The following PLD5 variants were observed in gnomAD, a reference collection of about 807,000 sequenced individuals.
The protein encoded by PLD5 is inactive phospholipase D5.
Under a neutral mutation model 61.1 loss-of-function variants are expected in PLD5, and 36 were observed. The observed-to-expected ratio is 0.59, with a 90% CI of 0.45 to 0.78. PLD5 has a LOEUF of 0.78. PLD5 is among the 30% of genes least tolerant of loss of function. The pLI, the probability that PLD5 is intolerant of heterozygous loss-of-function variation, is 0.00. For synonymous variants in PLD5, 243 were observed against 242.8 expected, an observed-to-expected ratio of 1.00 and a Z score of -0.01; for missense variants, 515 against 644.4, an observed-to-expected ratio of 0.80 and a Z score of 2.17.
chr1:242,170,548 G>A (rs2148874667), intron 5 of PLD5, among the ~76,000 whole-genome samples: 2 of 152,298 alleles, frequency 1.3e-5, no homozygotes, highest in Middle Eastern at 3.4e-3. Context: ...ATGGGATGGA[G>A]AATGAGTTTG....
chr1:242,262,325 G>C (rs1056588261), intron 4 of PLD5, among the ~76,000 whole-genome samples: 2 of 152,212 alleles, frequency 1.3e-5, no homozygotes, highest in Non-Finnish European at 2.9e-5. Context: ...GAGGGACTGA[G>C]AAGGCTTTCT....
chr1:242,251,457 A>G (rs1672693688), intron 4 of PLD5, among the ~76,000 whole-genome samples: 2 of 152,218 alleles, frequency 1.3e-5, no homozygotes. Flanking sequence ...AAAGCTGAAG[A>G]AAGGTCATGT....
intron 1 of PLD5, among the ~76,000 whole-genome samples, chr1:242,432,820 G>GA (rs924051502): frequency 7.3e-5 from 11 of 150,526 alleles, no homozygotes; most frequent in East Asian, 2.0e-4. Context: ...AAAACAAAAA[G>GA]AAAAAAAAAG....
At chr1:242,498,175 G>C (rs1322085307) in intron 1 of PLD5, among the ~76,000 whole-genome samples, 1 of 152,142 alleles carries the variant, frequency 6.6e-6, no homozygotes, top group Non-Finnish European at 1.5e-5. Context: ...ATGTTGATCA[G>C]GCTAGCCTCG....
chr1:242,366,938 A>G lies in PLD5; in HGVS notation c.190-18696T>C, dbSNP rs146140472. 2.0e-3 allele frequency among the ~76,000 whole-genome samples: 310 copies of G among 152,300 alleles called. 2 individuals are homozygous for G. Among genetic ancestry groups the G allele is most frequent in the South Asian group, 0.012 (57 of 4,826 alleles). On this transcript the variant is annotated intron_variant, in intron 1 of 9. Transcript: ENST00000536534. ...TTATAAACTTCCATTGATTCCCATA[A>G]CAGAAACATATTGATTTGCAAAATT...
intron 4 of PLD5, among the ~76,000 whole-genome samples, chr1:242,229,645 G>T (rs937005489): frequency 6.6e-6 from 1 of 152,226 alleles, no homozygotes. Context: ...TATCATGAAT[G>T]GAACAGCTTT....
intron 4 of PLD5, among the ~76,000 whole-genome samples, chr1:242,257,621 T>A (rs2149092924): frequency 6.6e-6 from 1 of 152,310 alleles, no homozygotes; most frequent in South Asian, 2.1e-4. Context: ...AGGAAGTAGA[T>A]TTCAAGTGCT....
At chr1:242,269,225 T>C (rs541892100) in intron 3 of PLD5, among the ~76,000 whole-genome samples, 1 of 152,278 alleles carries the variant, frequency 6.6e-6, no homozygotes, top group African/African-American at 2.4e-5. Context: ...CCCTTTCTAG[T>C]AAAGAACATT....
intron 1 of PLD5, among the ~76,000 whole-genome samples, chr1:242,396,136 T>C (rs554882277): frequency 1.3e-5 from 2 of 152,136 alleles, no homozygotes; most frequent in South Asian, 2.1e-4. Context: ...TGGGATGAAA[T>C]AGCAGAGAGT....
chr1:242,339,810 T>C (rs1049812761), intron 2 of PLD5, among the ~76,000 whole-genome samples: 1 of 152,030 alleles, frequency 6.6e-6, no homozygotes, highest in Non-Finnish European at 1.5e-5. Flanking sequence ...AGGAGTTACA[T>C]CAGGTGGACG....
At chr1:242,473,932 T>A (rs1667513886) in intron 1 of PLD5, among the ~76,000 whole-genome samples, 1 of 152,150 alleles carries the variant, frequency 6.6e-6, no homozygotes. Flanking sequence ...GAACATTCCA[T>A]TACCCGAGAC....
chr1:242,245,762 T>C (rs1376650084), intron 4 of PLD5, among the ~76,000 whole-genome samples: 1 of 152,138 alleles, frequency 6.6e-6, no homozygotes, highest in African/African-American at 2.4e-5. Context: ...GGCTGCATAT[T>C]CCAAGCACAG....
chr1:242,367,193 C>A (rs1661392379), intron 1 of PLD5, among the ~76,000 whole-genome samples: 1 of 152,036 alleles, frequency 6.6e-6, no homozygotes, highest in African/African-American at 2.4e-5. Context: ...ATGTTGACAA[C>A]TAAAAGGAGT....
At chr1:242,301,018 T>C (rs1180543063) in intron 2 of PLD5, among the ~76,000 whole-genome samples, 2 of 152,166 alleles carry the variant, frequency 1.3e-5, no homozygotes, top group Admixed American at 1.3e-4. Flanking sequence ...CTCCAAACCT[T>C]TACTCACACT....
In PLD5 at chr1:242,508,978, G is replaced by A. The variant is rs180912983; in HGVS notation, c.189+15110C>T. 2.1e-3 allele frequency among the ~76,000 whole-genome samples: 323 copies of A among 152,254 alleles called. 4 individuals are homozygous for A. Among genetic ancestry groups the A allele is most frequent in the Admixed American group, 5.0e-3 (77 of 15,292 alleles). On this transcript the variant is annotated intron_variant, in intron 1 of 9. Coordinates refer to ENST00000536534, the MANE Select transcript of PLD5 (RefSeq NM_001372062.1). ...TGCCTGTAATCTTAGCTACTCAGGG[G>A]GCTGAGGCAGGAGAATCACTTGAAC...
chr1:242,300,711 C>A (rs577561151), intron 2 of PLD5, among the ~76,000 whole-genome samples: 17 of 151,708 alleles, frequency 1.1e-4, no homozygotes, highest in African/African-American at 3.9e-4. Context: ...TTACCCTCCA[C>A]GAGGATGACC....
intron 5 of PLD5, among the ~76,000 whole-genome samples, chr1:242,168,846 GTT>G (rs34280777): frequency 0.27 from 30,439 of 111,272 alleles, 4,400 homozygotes; most frequent in South Asian, 0.44. Context: ...AATTAATGAA[GTT>G]TTTTTTTTTT....
chr1:242,524,097 C>T lies in PLD5; in HGVS notation c.180G>A (p.Lys60=), dbSNP rs534375601. 101 of 1,534,886 alleles carry T rather than the reference C, an allele frequency of 6.6e-5. No individual in the cohort carries two copies. The Middle Eastern group carries it at 2.2e-3, about 33-fold the overall frequency. ...SASVWLRRKD[K]LEHSQQKCIV... ...AGCGAGTCGCCCTTACGTGCTCCAGCTTGTCTTTCCTCCGAAGCCAGACGC... is the reference window on the plus strand; with the variant it reads ...AGCGAGTCGCCCTTACGTGCTCCAGTTTGTCTTTCCTCCGAAGCCAGACGC... Residue 60 remains lysine, a synonymous_variant, in exon 1 of 10, where the codon AAG becomes AAA. Transcript: ENST00000536534.
In PLD5 at chr1:242,423,564, C is replaced by T. The variant is rs371037446; in HGVS notation, c.190-75322G>A. The stretch of plus-strand genomic sequence containing the variant: ...ATGGGAATAGCCAGGCACAGTGAAG[C>T]GCTGAGGTAGGAGGATCACTCAAGC... On this transcript the variant is annotated intron_variant, in intron 1 of 9. Transcript: ENST00000536534. 5.9e-5 allele frequency among the ~76,000 whole-genome samples: 9 copies of T among 152,130 alleles called. No individual in the cohort carries two copies. In the South Asian group the frequency reaches 1.2e-3, roughly 21 times the overall value.
Sources: allele counts gnomAD v4.1 joint callset (sites outside exome capture counted in the v4.1 genomes callset), GRCh38; gene constraint gnomAD v4.1.1; transcripts MANE v1.5; gene names NCBI Gene and HGNC (gene_info 2026-07-23, HGNC 2026-07-21).